DSCAML1: variants seen among roughly 807,000 people sequenced by gnomAD.
DSCAML1 encodes cell adhesion molecule DSCAML1.
In DSCAML1, 38 loss-of-function variants were observed where a neutral mutation model predicts 200.5. That is an observed-to-expected ratio of 0.19 (90% CI 0.15 to 0.25). The LOEUF is 0.25. Ranked by LOEUF, DSCAML1 falls within the 10% of genes least tolerant of loss-of-function variation. DSCAML1 has a pLI of 1.00. For missense variants in DSCAML1, 2,223 were observed against 2,858.8 expected (o/e 0.78, Z 5.07); for synonymous variants, 1,215 against 1,165.0 (o/e 1.04, Z -0.87).
intron 1 of DSCAML1, among the ~76,000 whole-genome samples, chr11:117,781,526 GA>G (rs1237699661): frequency 6.6e-6 from 1 of 152,194 alleles, no homozygotes; most frequent in Non-Finnish European, 1.5e-5. Context: ...GCCTGGAATG[GA>G]AGACGGAAGA....
rs2049884988 is a variant in DSCAML1, at chr11:117,521,411, C to T, written c.938-6G>A. 2.5e-6 allele frequency: 4 copies of T among 1,610,112 alleles called. No homozygotes were observed. The Admixed American group carries it at 6.7e-5, about 27-fold the overall frequency. ...CAGGGTCACATGAAGGGGATCTGGGCCGGGCCAGGGAGACGTGAGGGGAAA... is the reference window on the plus strand; with the variant it reads ...CAGGGTCACATGAAGGGGATCTGGGTCGGGCCAGGGAGACGTGAGGGGAAA... On this transcript the variant is annotated splice_polypyrimidine_tract_variant and splice_region_variant and intron_variant, in intron 5 of 32. Coordinates refer to ENST00000651296, the MANE Select transcript of DSCAML1 (RefSeq NM_020693.4).
At chr11:117,459,021 C>T in intron 18 of DSCAML1, 112 bp from the exon 19 acceptor site, 1 of 1,399,518 alleles carries the variant, frequency 7.1e-7, no homozygotes, top group South Asian at 1.3e-5. Context: ...CAGCCCTCGA[C>T]TCCATGGTGG....
intron 14 of DSCAML1, among the ~76,000 whole-genome samples, chr11:117,474,715 T>A (rs942074353): frequency 1.3e-5 from 2 of 151,974 alleles, no homozygotes; most frequent in African/African-American, 4.8e-5. Context: ...TTTCTCCTTA[T>A]CAAGTGGGAT....
In DSCAML1 at chr11:117,463,301, G is replaced by A. The variant is rs927770190; in HGVS notation, c.3265+1641C>T. 4.7e-4 allele frequency among the ~76,000 whole-genome samples: 72 copies of A among 151,868 alleles called. 3 individuals are homozygous for A. The highest frequency in any genetic ancestry group is 1.9e-4 in the Non-Finnish European group (13 of 68,012). ...ATAATTGTGCGACTCTTGGTGCTAT[G>A]ATTCCCAAAGGTGCTCCCTGGACAA... On this transcript the variant is annotated intron_variant, in intron 17 of 32. Transcript: ENST00000651296. This position sits in a 1 kb window ranked among gnomAD's most constrained non-coding sequence, Gnocchi z 4.0.
chr11:117,758,003 A>G (rs1379629743), intron 3 of DSCAML1, among the ~76,000 whole-genome samples: 1 of 20,492 alleles, frequency 4.9e-5, no homozygotes, highest in Non-Finnish European at 1.8e-4. Flanking sequence ...AAGCAAAAAC[A>G]AACAAACAAA....
chr11:117,688,657 T>G (rs879473307), intron 3 of DSCAML1, among the ~76,000 whole-genome samples: 4 of 152,126 alleles, frequency 2.6e-5, no homozygotes, highest in Non-Finnish European at 5.9e-5. Flanking sequence ...GTGCCTTGTA[T>G]CTGATGGGAA....
chr11:117,588,543 A>T (rs1043636325), intron 3 of DSCAML1, among the ~76,000 whole-genome samples: 2 of 152,162 alleles, frequency 1.3e-5, no homozygotes, highest in Non-Finnish European at 2.9e-5. Context: ...GTAGGTTATC[A>T]TGCAAACACA....
chr11:117,575,877 CAAAACAAACAAA>C (rs2050925174), intron 3 of DSCAML1, among the ~76,000 whole-genome samples: 1 of 118,244 alleles, frequency 8.5e-6, no homozygotes, highest in Non-Finnish European at 1.9e-5. Context: ...CAAAACAAAA[CAAAACAAACAAA>C]AAAAGAACAA....
chr11:117,455,942 C>T (rs1211929638), intron 19 of DSCAML1, among the ~76,000 whole-genome samples: 1 of 152,210 alleles, frequency 6.6e-6, no homozygotes, highest in East Asian at 1.9e-4. Flanking sequence ...CTGTGTTCCT[C>T]CACACTTCAG....
rs1200174268 is a variant in DSCAML1 at position 117,537,410 on chromosome 11, G to A, written c.512-4888C>T. Among the ~76,000 whole-genome samples, 6 of 152,310 alleles carry A rather than the reference G, an allele frequency of 3.9e-5. 1 individual carries two copies. Among genetic ancestry groups the A allele is most frequent in the African/African-American group, 1.2e-4 (5 of 41,562 alleles). ...TGGGGAAGGCTGTGGAAGGTCTTGTGGAAGCTATGAGTAAAAGGAGCTGTA... is the reference window on the plus strand; with the variant it reads ...TGGGGAAGGCTGTGGAAGGTCTTGTAGAAGCTATGAGTAAAAGGAGCTGTA... On this transcript the variant is annotated intron_variant, in intron 3 of 32. Coordinates refer to ENST00000651296, the MANE Select transcript of DSCAML1 (RefSeq NM_020693.4).
chr11:117,770,285 T>G (rs2055014372), intron 3 of DSCAML1, among the ~76,000 whole-genome samples: 1 of 152,136 alleles, frequency 6.6e-6, no homozygotes, highest in Non-Finnish European at 1.5e-5. Flanking sequence ...CCAAGCTCCT[T>G]TTGTTGAATT....
At chr11:117,662,836 T>G (rs1323044771) in intron 3 of DSCAML1, among the ~76,000 whole-genome samples, 3 of 152,154 alleles carry the variant, frequency 2.0e-5, no homozygotes, top group Non-Finnish European at 4.4e-5. Flanking sequence ...ACTCAAAATT[T>G]GAATTCAGTA....
chr11:117,627,566 C>G (rs1347064964), intron 3 of DSCAML1, among the ~76,000 whole-genome samples: 1 of 152,156 alleles, frequency 6.6e-6, no homozygotes, highest in African/African-American at 2.4e-5. Flanking sequence ...GTGCCTGGGC[C>G]CCTGCTCTCT....
chr11:117,754,661 C>T (rs1245005757), intron 3 of DSCAML1, among the ~76,000 whole-genome samples: 1 of 152,134 alleles, frequency 6.6e-6, no homozygotes, highest in Non-Finnish European at 1.5e-5. Flanking sequence ...ATTCTTGAAA[C>T]AGCGACTTTA....
Position 117,538,951 on chromosome 11 carries a change from C to T in DSCAML1, c.512-6429G>A, listed in dbSNP as rs73587159. On this transcript the variant is annotated intron_variant, in intron 3 of 32. Transcript: ENST00000651296. Reference sequence around the variant, plus strand: ...CTGGCCACCCTGAATCCACCACTGCCCCTCCTCCTTCTGTCCCCAGCACAC... The same window carrying T: ...CTGGCCACCCTGAATCCACCACTGCTCCTCCTCCTTCTGTCCCCAGCACAC... Among the ~76,000 whole-genome samples the T allele has an allele frequency of 1.2e-3, 189 of 152,186 alleles. 3 individuals carry two copies. The highest frequency in any genetic ancestry group is 4.3e-3 in the African/African-American group (178 of 41,518).
At chr11:117,724,606 C>G (rs1020569463) in intron 3 of DSCAML1, among the ~76,000 whole-genome samples, 1 of 152,230 alleles carries the variant, frequency 6.6e-6, no homozygotes, top group African/African-American at 2.4e-5. Flanking sequence ...CAACAGGCAG[C>G]TTGATTGAAA....
intron 3 of DSCAML1, among the ~76,000 whole-genome samples, chr11:117,694,128 C>G (rs961388859): frequency 1.8e-4 from 26 of 148,338 alleles, no homozygotes; most frequent in African/African-American, 6.4e-4. Context: ...ATAGGCTGGG[C>G]ACGGTGGCTC....
chr11:117,734,983 G>T (rs2054292193), intron 3 of DSCAML1, among the ~76,000 whole-genome samples: 1 of 152,194 alleles, frequency 6.6e-6, no homozygotes, highest in African/African-American at 2.4e-5. Flanking sequence ...GAAAGCTTGG[G>T]ACTTGGGGAG....
At chr11:117,749,030 G>A (rs974144729) in intron 3 of DSCAML1, among the ~76,000 whole-genome samples, 4 of 152,190 alleles carry the variant, frequency 2.6e-5, no homozygotes, top group Admixed American at 6.5e-5. Flanking sequence ...GCCTGGCTTT[G>A]TGGGCTTCCA....
Sources: allele counts gnomAD v4.1 joint callset (sites outside exome capture counted in the v4.1 genomes callset), GRCh38; gene constraint gnomAD v4.1.1; non-coding constraint Gnocchi (gnomAD v3.1); transcripts MANE v1.5; gene names NCBI Gene and HGNC (gene_info 2026-07-23, HGNC 2026-07-21).